The following TNRC18 variants were observed in gnomAD, a reference collection of about 807,000 sequenced individuals.
TNRC18 encodes the protein trinucleotide repeat containing 18, also known as trinucleotide repeat-containing gene 18 protein.
A neutral mutation model predicts 226.7 loss-of-function variants in TNRC18; 69 were observed. The observed-to-expected ratio is 0.30, with a 90% confidence interval of 0.25 to 0.37. The LOEUF is 0.37. Ranked by LOEUF, TNRC18 falls within the 10% of genes least tolerant of loss-of-function variation. The probability of loss-of-function intolerance (pLI) is 1.00; values close to 1 mark genes in which losing one functional copy is unlikely to be tolerated. For synonymous variants in TNRC18, 2,449 were observed against 1,927.6 expected (o/e 1.27, Z -7.09); for missense variants, 4,754 against 4,256.6 (o/e 1.12, Z -3.25).
Position 5,374,367 on chromosome 7 carries a change from G to A in TNRC18, c.2917C>T (p.Arg973Trp), listed in dbSNP as rs1349620481. ...LATAGPGLLP[R>W]KPPGLAAGPA... Reference sequence around the variant, plus strand: ...CCGGCGGCCAGGCCAGGGGGCTTCCGCGGCAGCAGCCCGGGGCCGGCGGTG... The same window carrying A: ...CCGGCGGCCAGGCCAGGGGGCTTCCACGGCAGCAGCCCGGGGCCGGCGGTG... The change falls in exon 10 of 30, where the codon CGG becomes TGG. Residue 973 changes from arginine to tryptophan, a missense_variant. Arg to Trp is a moderately radical substitution (Grantham distance 101). Transcript: ENST00000430969. 1.5e-5 allele frequency: 22 copies of A among 1,469,562 alleles called. No individual in the cohort carries two copies. Among genetic ancestry groups the A allele is most frequent in the East Asian group, 5.7e-5 (2 of 35,358 alleles). The allele number at this position is 1,469,562 out of a possible 1,614,324, so 91.0% of individuals were successfully genotyped here.
At chr7:5,395,330 G>A (rs1485179512) in intron 2 of TNRC18, among the ~76,000 whole-genome samples, 4 of 152,100 alleles carry the variant, frequency 2.6e-5, no homozygotes, top group Non-Finnish European at 4.4e-5. Context: ...CCTCCAGACA[G>A]CAGGCCCCAC....
Position 5,359,451 on chromosome 7 carries a change from C to A in TNRC18, c.4780G>T (p.Gly1594Trp), listed in dbSNP as rs765534703. Residue 1594 changes from glycine to tryptophan, a missense_variant, in exon 15 of 30, where the codon GGG becomes TGG. By Grantham distance (184) the Gly-to-Trp change is radical. Coordinates refer to ENST00000430969, the MANE Select transcript of TNRC18 (RefSeq NM_001080495.3). ...DALIGMGKAR[G>W]RNQTWDEHEA... Reference sequence around the variant, plus strand: ...TGTTCATCCCAAGTCTGGTTCCTCCCCCTGGCTTTCCCCATTCCGATGAGG... The same window carrying A: ...TGTTCATCCCAAGTCTGGTTCCTCCACCTGGCTTTCCCCATTCCGATGAGG... 253 of 1,614,018 alleles carry A rather than the reference C, an allele frequency of 1.6e-4. 1 individual carries two copies. The highest frequency in any genetic ancestry group is 2.8e-5 in the Non-Finnish European group (33 of 1,179,894).
At position 5,387,197 on chromosome 7, in the gene TNRC18, G is replaced by C. The variant is rs1779855087; in HGVS notation, c.2152+475C>G. ...AAGTCACTCAAGTACTGAGTATCAA[G>C]ACCGTGAGGATGTTGGAACCCCAGT... On this transcript the variant is annotated intron_variant, in intron 5 of 29. Transcript: ENST00000430969. Among the ~76,000 whole-genome samples, 6 of 152,188 alleles carry C rather than the reference G, an allele frequency of 3.9e-5. No individual in the cohort carries two copies. The South Asian group carries it at 1.2e-3, about 31-fold the overall frequency.
intron 2 of TNRC18, among the ~76,000 whole-genome samples, chr7:5,409,773 G>A (rs1432789855): frequency 1.4e-5 from 2 of 144,652 alleles, no homozygotes; most frequent in Non-Finnish European, 3.0e-5. Flanking sequence ...TCAGGAGATC[G>A]AGACCATCGT....
chr7:5,410,832 G>C (rs1159208822), intron 2 of TNRC18, among the ~76,000 whole-genome samples: 1 of 125,614 alleles, frequency 8.0e-6, no homozygotes, highest in African/African-American at 3.1e-5. Flanking sequence ...CTGCAATCCA[G>C]TCTGGACAAC....
intron 10 of TNRC18, among the ~76,000 whole-genome samples, chr7:5,373,399 C>T (rs1794340741): frequency 6.6e-6 from 1 of 152,138 alleles, no homozygotes; most frequent in Admixed American, 6.6e-5. Flanking sequence ...GCTGTGTGCC[C>T]CTGATTCTCT....
chr7:5,389,461 G>GTTTTTTTGTTTTTTTTTTTGTTTTTTTT, intron 4 of TNRC18, 125 bp from the exon 5 acceptor site: 2 of 564,672 alleles, frequency 3.5e-6, no homozygotes, highest in African/African-American at 2.8e-5. Flanking sequence ...TTTGGTTTTG[G>GTTTTTTTGTTTTTTTTTTTGTTTTTTTT]TTTTTTTTTT....
Position 5,421,097 on chromosome 7 carries a change from C to G in TNRC18, c.150G>C (p.Gly50=). 1 of 1,480,100 alleles carries G rather than the reference C, an allele frequency of 6.8e-7. No individual in the cohort carries two copies. Among genetic ancestry groups the G allele is most frequent in the Non-Finnish European group, 9.0e-7 (1 of 1,106,356 alleles). 91.7% of individuals were successfully genotyped at this position (1,480,100 alleles called of 1,614,324 possible). Residue 50 remains glycine (G), a synonymous_variant, in exon 2 of 30, where the codon GGG becomes GGC. Coordinates refer to ENST00000430969, the MANE Select transcript of TNRC18 (RefSeq NM_001080495.3). ...ASGLPGPLPP[G]KYMAGLNLHP... ...GGAGATTCAGGCCGGCCATGTACTT[C>G]CCGGGCGGCAGCGGGCCGGGCAAGC... is the stretch of plus-strand genomic sequence containing the variant.
intron 9 of TNRC18, among the ~76,000 whole-genome samples, chr7:5,375,258 G>A (rs1315714869): frequency 2.6e-5 from 4 of 152,118 alleles, no homozygotes; most frequent in African/African-American, 7.2e-5. Context: ...GCAGTGACCC[G>A]AGATAGTACC....
intron 14 of TNRC18, 50 bp from the exon 15 acceptor site, chr7:5,359,619 C>T (rs1337041437): frequency 6.2e-7 from 1 of 1,607,880 alleles, no homozygotes; most frequent in East Asian, 2.2e-5. Context: ...ACAAGGCTCG[C>T]AGGCTGAGGT....
chr7:5,357,019 T>C lies in TNRC18; in HGVS notation c.5091A>G (p.Lys1697=). 6.4e-7 allele frequency: 1 copy of C among 1,552,252 alleles called. No individual in the cohort carries two copies. Among genetic ancestry groups the C allele is most frequent in the South Asian group, 1.2e-5 (1 of 84,064 alleles). Residue 1697 remains lysine (K), a synonymous_variant, in exon 16 of 30, where the codon AAA becomes AAG. Coordinates refer to ENST00000430969, the MANE Select transcript of TNRC18 (RefSeq NM_001080495.3). ...CCATCTTCCTGGTTTTGGCTGCCCTTTTGTGTTTACCTTCTCTGGAGGATT... is the reference window on the plus strand; with the variant it reads ...CCATCTTCCTGGTTTTGGCTGCCCTCTTGTGTTTACCTTCTCTGGAGGATT... ...SLKSSREGKH[K]RAAKTRKMEV...
In TNRC18 at chr7:5,309,478, C is replaced by G. The variant is rs1209546524; in HGVS notation, c.8389-110G>C. 1.1e-6 allele frequency: 1 copy of G among 897,864 alleles called. No homozygotes were observed. The highest frequency in any genetic ancestry group is 1.7e-5 in the African/African-American group (1 of 59,592). 55.6% of individuals were successfully genotyped at this position (897,864 alleles called of 1,614,324 possible). ...TGGGCCCTCGGCCTCTAAATCAACC[C>G]CTATCCAACTGTGGGGAGATGAGGA... On this transcript the variant is annotated intron_variant, in intron 27 of 29. Transcript: ENST00000430969. This position sits in a 1 kb window ranked among gnomAD's most constrained non-coding sequence, Gnocchi z 5.7.
intron 5 of TNRC18, among the ~76,000 whole-genome samples, chr7:5,380,458 G>A (rs1042229011): frequency 3.9e-5 from 6 of 152,198 alleles, no homozygotes; most frequent in African/African-American, 1.4e-4. Flanking sequence ...CAGGAAGGTG[G>A]GAACCCACCA....
In TNRC18 at chr7:5,375,933, T is replaced by C. The variant is rs896222021; in HGVS notation, c.2799+101A>G. 79 of 1,224,468 alleles carry C rather than the reference T, an allele frequency of 6.5e-5. No homozygotes were observed. The African/African-American group carries it at 1.1e-3, about 17-fold the overall frequency. The allele number at this position is 1,224,468 out of a possible 1,614,324, so 75.9% of individuals were successfully genotyped here. ...GACCACCTGCCCCTCTGCTGTTTTC[T>C]CCCTCCCTGTAACTGTCTGGAGATT... is the stretch of plus-strand genomic sequence containing the variant. On this transcript the variant is annotated intron_variant, in intron 9 of 29. Transcript: ENST00000430969.
chr7:5,358,973 C>T (rs1050946898), intron 15 of TNRC18, among the ~76,000 whole-genome samples: 2 of 152,250 alleles, frequency 1.3e-5, no homozygotes, highest in Non-Finnish European at 2.9e-5. Context: ...CCCATTACCC[C>T]TGGAGAGTTC....
chr7:5,336,035 C>A (rs557491627), intron 18 of TNRC18, among the ~76,000 whole-genome samples: 1 of 151,522 alleles, frequency 6.6e-6, no homozygotes, highest in Non-Finnish European at 1.5e-5. Context: ...GGCAAAACCC[C>A]ATCTCTACAA....
chr7:5,388,896 G>A lies in TNRC18; in HGVS notation c.928C>T (p.Arg310Trp), dbSNP rs781306092. Residue 310 changes from arginine (R) to tryptophan (W), a missense_variant, in exon 5 of 30, where the codon CGG (arginine) becomes TGG (tryptophan). Coordinates refer to ENST00000430969, the MANE Select transcript of TNRC18 (RefSeq NM_001080495.3). ...AGRGGAKEAA[R>W]QDEGARLLRR... is the part of the protein sequence containing the mutation. ...AGCAGCCGCGCGCCCTCGTCCTGCCGGGCAGCCTCCTTGGCACCCCCGCGC... is the reference window on the plus strand; with the variant it reads ...AGCAGCCGCGCGCCCTCGTCCTGCCAGGCAGCCTCCTTGGCACCCCCGCGC... The A allele has an allele frequency of 1.9e-5, 26 of 1,357,906 alleles. No individual in the cohort carries two copies. Among genetic ancestry groups the A allele is most frequent in the South Asian group, 1.7e-4 (12 of 71,800 alleles). 84.1% of individuals were successfully genotyped at this position (1,357,906 alleles called of 1,614,324 possible). A position where few individuals can be genotyped will look rare whatever the true frequency, so the allele number is the denominator to read the frequency against.
intron 18 of TNRC18, among the ~76,000 whole-genome samples, chr7:5,339,343 G>A (rs573954265): frequency 4.6e-5 from 7 of 151,022 alleles, no homozygotes; most frequent in Admixed American, 6.6e-5. Context: ...AGGCTCAAGC[G>A]ATTCTTATGC....
Position 5,388,105 on chromosome 7 carries a change from G to A in TNRC18, c.1719C>T (p.His573=). The A allele has an allele frequency of 1.9e-6, 3 of 1,553,864 alleles. No homozygotes were observed. Among genetic ancestry groups the A allele is most frequent in the Non-Finnish European group, 2.6e-6 (3 of 1,149,440 alleles). The change falls in exon 5 of 30, where the codon CAC becomes CAT. Residue 573 remains histidine (H), a synonymous_variant. Transcript: ENST00000430969. ...ATCGRPVADM[H]SAAHGSGEAS... is the part of the protein sequence containing the mutation. ...CCTCTCCAGACCCGTGGGCCGCAGAGTGCATGTCAGCGACCGGCCGGCCGC... is the reference window on the plus strand; with the variant it reads ...CCTCTCCAGACCCGTGGGCCGCAGAATGCATGTCAGCGACCGGCCGGCCGC...
Sources: gnomAD v4.1 joint callset for allele counts (sites outside exome capture counted in the v4.1 genomes callset) on GRCh38, gnomAD v4.1.1 for gene constraint, Gnocchi (gnomAD v3.1) non-coding constraint, MANE v1.5 for transcripts, NCBI Gene and HGNC (gene_info 2026-07-23, HGNC 2026-07-21) for gene names.